The following KCNJ10 variants were observed in gnomAD, a reference collection of about 807,000 sequenced individuals.
KCNJ10 encodes ATP-sensitive inward rectifier potassium channel 10.
In KCNJ10, 9 loss-of-function variants were observed where a neutral mutation model predicts 22.2. The observed-to-expected ratio is 0.40, with a 90% CI of 0.24 to 0.71. The LOEUF (loss-of-function observed/expected upper bound fraction) is 0.71, where lower values mean the gene tolerates loss of function less well. Ranked by LOEUF, KCNJ10 falls within the 30% of genes least tolerant of loss-of-function variation. The pLI, the probability that KCNJ10 is intolerant of heterozygous loss-of-function variation, is 0.35. For missense variants in KCNJ10, 337 were observed against 482.7 expected (o/e 0.70, Z 2.83); for synonymous variants, 184 against 187.3 (o/e 0.98, Z 0.15).
At chr1:160,046,615 G>A (rs1648746968) in intron 1 of KCNJ10, among the ~76,000 whole-genome samples, 1 of 152,102 alleles carries the variant, frequency 6.6e-6, no homozygotes, top group Admixed American at 6.6e-5. Context: ...TAGTGCCTGT[G>A]GTTGCCAGCC....
intron 1 of KCNJ10, among the ~76,000 whole-genome samples, chr1:160,050,301 T>G (rs1043765598): frequency 1.1e-4 from 1 of 9,028 alleles, no homozygotes; most frequent in African/African-American, 1.2e-4. Flanking sequence ...ACCCAGCTAA[T>G]TTTTTTTTTT....
intron 1 of KCNJ10, among the ~76,000 whole-genome samples, chr1:160,066,720 A>T (rs1312656983): frequency 6.6e-6 from 1 of 152,182 alleles, no homozygotes; most frequent in East Asian, 1.9e-4. Context: ...GAACAGCAAG[A>T]GAGAGGTGCA....
intron 1 of KCNJ10, among the ~76,000 whole-genome samples, chr1:160,055,417 G>A (rs1649005423): frequency 6.6e-6 from 1 of 152,118 alleles, no homozygotes. Context: ...TGCTACACTT[G>A]AGACTGATGA....
chr1:160,054,721 C>T (rs1456251244), intron 1 of KCNJ10, among the ~76,000 whole-genome samples: 2 of 151,868 alleles, frequency 1.3e-5, no homozygotes, highest in Non-Finnish European at 2.9e-5. Context: ...GCCTAGGCCC[C>T]GAGATTCCCC....
chr1:160,054,998 G>T (rs551514237), intron 1 of KCNJ10, among the ~76,000 whole-genome samples: 344 of 152,248 alleles, frequency 2.3e-3, no homozygotes, highest in Non-Finnish European at 3.7e-3. Context: ...ACCATCAGGG[G>T]GTGGGGCTCC....
In KCNJ10 at chr1:160,042,529, T is replaced by G. The variant is rs981070121; in HGVS notation, c.4A>C (p.Thr2Pro). M[T>P]SVAKVYYSQT... is the part of the protein sequence containing the mutation. ...CTGTAATACACCTTGGCAACTGACG[T>G]CATCTGGAGGGAGCAAGACAGCATA... Residue 2 changes from threonine (T) to proline (P), a missense_variant, in exon 2 of 2, where the codon ACG becomes CCG. By Grantham distance (38) the Thr-to-Pro change is conservative (BLOSUM62 -1). This residue lies in a region of KCNJ10 where 107 missense variants were observed against 135.2 expected (regional missense o/e 0.79). Transcript: ENST00000644903. 1 of 1,613,808 alleles carries G rather than the reference T, an allele frequency of 6.2e-7. No homozygotes were observed. Among genetic ancestry groups the G allele is most frequent in the Non-Finnish European group, 8.5e-7 (1 of 1,180,000 alleles).
chr1:160,054,951 A>G (rs776365425), intron 1 of KCNJ10, among the ~76,000 whole-genome samples: 3 of 152,102 alleles, frequency 2.0e-5, no homozygotes, highest in Non-Finnish European at 4.4e-5. Context: ...CCAGCGATTT[A>G]CCACTCTCCA....
chr1:160,066,251 G>C (rs1249509479), intron 1 of KCNJ10, among the ~76,000 whole-genome samples: 3 of 152,160 alleles, frequency 2.0e-5, no homozygotes, highest in Non-Finnish European at 4.4e-5. Context: ...TGGAAAGCAG[G>C]GGCTGTGGGT....
At chr1:160,051,396 G>A (rs1451989565) in intron 1 of KCNJ10, among the ~76,000 whole-genome samples, 1 of 152,074 alleles carries the variant, frequency 6.6e-6, no homozygotes, top group Non-Finnish European at 1.5e-5. Flanking sequence ...TTTTAACTCT[G>A]TAAAACAAAT....
chr1:160,049,687 A>ATATATATATATATATATATATT (rs1648846239), intron 1 of KCNJ10, among the ~76,000 whole-genome samples: 2 of 104,068 alleles, frequency 1.9e-5, no homozygotes, highest in African/African-American at 8.7e-5. Context: ...ATATATATAT[A>ATATATATATATATATATATATT]TATATATATA....
chr1:160,067,719 C>G lies in KCNJ10; in HGVS notation c.-1+2303G>C, dbSNP rs1285692575. ...TTAGGGACTCCATTGCCCAATGTCT[C>G]TTTTCCTCCCCACCAATGCCAGGAG... On this transcript the variant is annotated intron_variant, in intron 1 of 1. Coordinates refer to ENST00000644903, the MANE Select transcript of KCNJ10 (RefSeq NM_002241.5). Among the ~76,000 whole-genome samples the G allele has an allele frequency of 2.0e-5, 3 of 152,298 alleles. 1 individual carries two copies. In the South Asian group the frequency reaches 6.2e-4, roughly 32 times the overall value.
At chr1:160,064,439 A>T (rs1246408703) in intron 1 of KCNJ10, among the ~76,000 whole-genome samples, 1 of 152,266 alleles carries the variant, frequency 6.6e-6, no homozygotes, top group African/African-American at 2.4e-5. Flanking sequence ...AAAATATAAG[A>T]CAATGTCACT....
chr1:160,060,606 C>G (rs957544314), intron 1 of KCNJ10, among the ~76,000 whole-genome samples: 1 of 152,168 alleles, frequency 6.6e-6, no homozygotes, highest in African/African-American at 2.4e-5. Flanking sequence ...CAGCTTAGTT[C>G]TCTATCTAAC....
chr1:160,056,189 C>T (rs1353257202), intron 1 of KCNJ10, among the ~76,000 whole-genome samples: 1 of 152,178 alleles, frequency 6.6e-6, no homozygotes, highest in Admixed American at 6.5e-5. Flanking sequence ...TCCTGGTTCT[C>T]TTGCACCCAG....
At chr1:160,058,055 C>T (rs1219801318) in intron 1 of KCNJ10, among the ~76,000 whole-genome samples, 1 of 152,140 alleles carries the variant, frequency 6.6e-6, no homozygotes, top group Admixed American at 6.5e-5. Flanking sequence ...AAACAGAGAA[C>T]CTTTTCTGGA....
At position 160,067,309 on chromosome 1, in the gene KCNJ10, C is replaced by T. The variant is rs752584119; in HGVS notation, c.-1+2713G>A. Among the ~76,000 whole-genome samples, 46 of 152,132 alleles carry T rather than the reference C, an allele frequency of 3.0e-4. 3 individuals carry two copies. Among genetic ancestry groups the T allele is most frequent in the Admixed American group, 2.6e-4 (4 of 15,276 alleles). On this transcript the variant is annotated intron_variant, in intron 1 of 1. Transcript: ENST00000644903. ...GAAGAGGGGCCACCAGATGCACTCT[C>T]TCCCTAAAGAATGGTGGCAAACATG...
chr1:160,059,773 A>G (rs1338830767), intron 1 of KCNJ10, among the ~76,000 whole-genome samples: 2 of 152,198 alleles, frequency 1.3e-5, no homozygotes, highest in African/African-American at 2.4e-5. Flanking sequence ...CATTGGAACT[A>G]TCTTCCAGGC....
Position 160,040,266 on chromosome 1 carries a change from G to A in KCNJ10, c.*1127C>T, listed in dbSNP as rs965168583. 3 of 343,460 alleles carry A rather than the reference G, an allele frequency of 8.7e-6. No individual in the cohort carries two copies. The East Asian group carries it at 1.3e-4, about 15-fold the overall frequency. 21.3% of individuals were successfully genotyped at this position (343,460 alleles called of 1,614,324 possible). Reference sequence around the variant, plus strand: ...CACCAATTCTCAGAGGCTCTGTACAGCAGTTTGGAAATCTGAGAATTTACC... The same window carrying A: ...CACCAATTCTCAGAGGCTCTGTACAACAGTTTGGAAATCTGAGAATTTACC... On this transcript the variant is annotated 3_prime_UTR_variant, in exon 2 of 2. Coordinates refer to ENST00000644903, the MANE Select transcript of KCNJ10 (RefSeq NM_002241.5).
chr1:160,049,038 A>G (rs1403916640), intron 1 of KCNJ10, among the ~76,000 whole-genome samples: 2 of 152,200 alleles, frequency 1.3e-5, no homozygotes, highest in African/African-American at 4.8e-5. Flanking sequence ...TGGCATTCCT[A>G]TGAAATATTA....
Sources: allele counts gnomAD v4.1 joint callset (sites outside exome capture counted in the v4.1 genomes callset), GRCh38; gene constraint gnomAD v4.1.1; regional missense constraint gnomAD v4.1.1; transcripts MANE v1.5; gene names NCBI Gene and HGNC (gene_info 2026-07-23, HGNC 2026-07-21).